The following INSR variants were observed in gnomAD, a reference collection of about 807,000 sequenced individuals.
INSR encodes IR.
In INSR, 67 loss-of-function variants were observed where a neutral mutation model predicts 142.6. That is an observed-to-expected ratio of 0.47 (90% CI 0.39 to 0.58). INSR has a LOEUF of 0.58. Among genes scored for constraint, INSR ranks in the 20% least tolerant of loss-of-function variants. The probability of loss-of-function intolerance (pLI) is 0.00; values close to 1 mark genes in which losing one functional copy is unlikely to be tolerated. For synonymous variants in INSR, 756 were observed against 743.1 expected (o/e 1.02, Z -0.28); for missense variants, 1,248 against 1,833.2 (o/e 0.68, Z 5.83).
intron 3 of INSR, among the ~76,000 whole-genome samples, chr19:7,177,726 T>TA (rs1974169428): frequency 7.2e-6 from 1 of 139,626 alleles, no homozygotes; most frequent in African/African-American, 2.7e-5. Flanking sequence ...TTTTTTTTTT[T>TA]AGTAGAAACA....
chr19:7,152,106 C>T (rs1306655316), intron 10 of INSR: 1 of 164,162 alleles, frequency 6.1e-6, no homozygotes, highest in Non-Finnish European at 1.3e-5. Flanking sequence ...CCTCAATAAT[C>T]ACGGCCAGGC....
intron 1 of INSR, among the ~76,000 whole-genome samples, chr19:7,271,839 ATC>A (rs1429107448): frequency 1.3e-5 from 2 of 151,598 alleles, no homozygotes; most frequent in African/African-American, 4.9e-5. Flanking sequence ...GCGAGTCTCC[ATC>A]TCTATAAAAA....
intron 11 of INSR, among the ~76,000 whole-genome samples, chr19:7,149,457 TC>T (rs2144879094): frequency 6.6e-6 from 1 of 152,282 alleles, no homozygotes; most frequent in East Asian, 1.9e-4. Flanking sequence ...CTTGCCTTTC[TC>T]CCAAGTTCTC....
At position 7,166,306 on chromosome 19, in the gene INSR, G is replaced by A; in HGVS notation, c.1709C>T (p.Pro570Leu). The A allele has an allele frequency of 1.2e-6, 2 of 1,614,148 alleles. No homozygotes were observed. The highest frequency in any genetic ancestry group is 1.7e-6 in the Non-Finnish European group (2 of 1,180,030). ...DIDPPLRSND[P>L]KSQNHPGWLM... is the part of the protein sequence containing the mutation. ...CCACCCTGGGTGGTTCTGTGATTTG[G>A]GGTCGTTGGACCTCAGGGGTGGGTC... Residue 570 changes from proline to leucine, a missense_variant, in exon 8 of 22, where the codon CCC becomes CTC. Physicochemically the swap from Pro to Leu is moderately conservative, Grantham distance 98. Around this residue, in one of 3 missense-constraint regions of INSR, gnomAD observed 1,069 missense variants for 1,654.0 expected, o/e 0.65. Transcript: ENST00000302850. This position sits in a 1 kb window ranked among gnomAD's most constrained non-coding sequence, Gnocchi z 4.1.
intron 3 of INSR, among the ~76,000 whole-genome samples, chr19:7,181,036 G>C (rs1286551257): frequency 6.6e-6 from 1 of 152,028 alleles, no homozygotes; most frequent in Non-Finnish European, 1.5e-5. Context: ...CACCTCCCGG[G>C]TTCAAGCAAT....
intron 2 of INSR, among the ~76,000 whole-genome samples, chr19:7,260,820 T>C (rs1977035066): frequency 6.6e-6 from 1 of 151,496 alleles, no homozygotes; most frequent in African/African-American, 2.4e-5. Context: ...TTGAACCAGC[T>C]TGTGACCAGT....
chr19:7,191,425 T>C (rs920811297), intron 2 of INSR, among the ~76,000 whole-genome samples: 2 of 151,726 alleles, frequency 1.3e-5, no homozygotes, highest in African/African-American at 4.8e-5. Context: ...CCTAGCTGAG[T>C]GGGAGTCCTC....
At chr19:7,175,620 A>C (rs563518683) in intron 3 of INSR, among the ~76,000 whole-genome samples, 3 of 152,212 alleles carry the variant, frequency 2.0e-5, no homozygotes, top group Non-Finnish European at 4.4e-5. Context: ...AGATCACCTG[A>C]GGTCAGGAGT....
intron 2 of INSR, among the ~76,000 whole-genome samples, chr19:7,189,540 A>T (rs1325166895): frequency 6.6e-6 from 1 of 152,248 alleles, no homozygotes; most frequent in Non-Finnish European, 1.5e-5. Context: ...TAGCAGCCAC[A>T]GACATATGTA....
chr19:7,244,910 G>T (rs981738415), intron 2 of INSR, among the ~76,000 whole-genome samples: 19 of 133,046 alleles, frequency 1.4e-4, no homozygotes, highest in Admixed American at 7.8e-5. Context: ...ATCTCAATGG[G>T]TTTTTTTGTT....
intron 1 of INSR, among the ~76,000 whole-genome samples, chr19:7,293,514 G>A (rs1218119932): frequency 6.6e-6 from 1 of 152,208 alleles, no homozygotes; most frequent in Non-Finnish European, 1.5e-5. Flanking sequence ...GGTCGGAGGC[G>A]CGCTCCAGAG....
chr19:7,291,581 G>T (rs1968495860), intron 1 of INSR, among the ~76,000 whole-genome samples: 1 of 152,108 alleles, frequency 6.6e-6, no homozygotes, highest in African/African-American at 2.4e-5. Flanking sequence ...ATCGTTCTGG[G>T]CTCTAGAAAT....
intron 2 of INSR, among the ~76,000 whole-genome samples, chr19:7,186,069 G>T (rs905781541): frequency 6.6e-6 from 1 of 151,742 alleles, no homozygotes; most frequent in African/African-American, 2.4e-5. Context: ...GGTGGTGGGC[G>T]TCTGTAATCC....
chr19:7,174,143 T>A (rs1171199970), intron 4 of INSR, among the ~76,000 whole-genome samples: 3 of 149,056 alleles, frequency 2.0e-5, no homozygotes, highest in African/African-American at 2.5e-5. Flanking sequence ...AAAAAAAAAA[T>A]TAGCCCGGCA....
chr19:7,179,755 C>T (rs1390619101), intron 3 of INSR, among the ~76,000 whole-genome samples: 5 of 152,230 alleles, frequency 3.3e-5, no homozygotes, highest in African/African-American at 7.2e-5. Flanking sequence ...GGCCAACCCC[C>T]GTTCTCAGCT....
chr19:7,271,716 C>T (rs995183936), intron 1 of INSR, among the ~76,000 whole-genome samples: 6 of 152,164 alleles, frequency 3.9e-5, no homozygotes, highest in Admixed American at 3.9e-4. Context: ...CAGCATTATT[C>T]ATAATAGCTG....
chr19:7,244,298 C>T (rs535342961), intron 2 of INSR, among the ~76,000 whole-genome samples: 1 of 152,208 alleles, frequency 6.6e-6, no homozygotes, highest in East Asian at 1.9e-4. Context: ...TTTGGGAGGC[C>T]GAAGTGGGCA....
intron 19 of INSR, among the ~76,000 whole-genome samples, chr19:7,121,115 A>G (rs1311768847): frequency 6.6e-6 from 1 of 151,724 alleles, no homozygotes; most frequent in Non-Finnish European, 1.5e-5. Flanking sequence ...CTCTTGCCTC[A>G]GCCTCCTGAG....
chr19:7,142,714 A>C, intron 12 of INSR, 102 bp downstream of exon 12: 1 of 1,409,070 alleles, frequency 7.1e-7, no homozygotes, highest in Non-Finnish European at 9.9e-7. Context: ...AAGGCCAATA[A>C]GGTAAAATAC....
Sources: gnomAD v4.1 joint callset for allele counts (sites outside exome capture counted in the v4.1 genomes callset) on GRCh38, gnomAD v4.1.1 for gene constraint, gnomAD v4.1.1 regional missense constraint, Gnocchi (gnomAD v3.1) non-coding constraint, MANE v1.5 for transcripts, NCBI Gene and HGNC (gene_info 2026-07-23, HGNC 2026-07-21) for gene names.